INPP4B: variants seen among roughly 807,000 people sequenced by gnomAD.
INPP4B encodes inositol polyphosphate-4-phosphatase type II B, also known as inositol polyphosphate 4-phosphatase type II.
A neutral mutation model predicts 122.5 loss-of-function variants in INPP4B; 55 were observed. The ratio of observed to expected loss-of-function variants is 0.45; its 90% CI spans 0.36 to 0.56. The LOEUF (loss-of-function observed/expected upper bound fraction) is 0.56, where lower values mean the gene tolerates loss of function less well. Among genes scored for constraint, INPP4B ranks in the 20% least tolerant of loss-of-function variants. The pLI, the probability that INPP4B is intolerant of heterozygous loss-of-function variation, is 0.00. For synonymous variants in INPP4B, 403 were observed against 388.7 expected (o/e 1.04, Z -0.43); for missense variants, 1,000 against 1,097.7 (o/e 0.91, Z 1.26).
intron 7 of INPP4B, among the ~76,000 whole-genome samples, chr4:142,380,936 A>G (rs534124253): frequency 1.4e-4 from 21 of 152,292 alleles, no homozygotes; most frequent in Middle Eastern, 3.4e-3. Context: ...CCAATTTATT[A>G]CATCCTTCTT....
At position 142,725,898 on chromosome 4, in the gene INPP4B, T is replaced by C. The variant is rs981884469; in HGVS notation, c.-250A>G. Reference sequence around the variant, plus strand: ...CTTGCCAGGTAACACCATTTCTTTGTATTCTACGGGAAAAGAGAAAGAAGA... The same window carrying C: ...CTTGCCAGGTAACACCATTTCTTTGCATTCTACGGGAAAAGAGAAAGAAGA... On this transcript the variant is annotated 5_prime_UTR_variant, in exon 2 of 26. In the 5' UTR this introduces an upstream ATG that the reference lacks. Coordinates refer to ENST00000262992, the MANE Select transcript of INPP4B (RefSeq NM_001101669.3). 13 of 398,022 alleles carry C rather than the reference T, an allele frequency of 3.3e-5. No homozygotes were observed. Among genetic ancestry groups the C allele is most frequent in the African/African-American group, 2.3e-4 (11 of 48,738 alleles). 24.7% of individuals were successfully genotyped at this position (398,022 alleles called of 1,614,324 possible).
chr4:142,838,319 T>C (rs1435900071), intron 1 of INPP4B, among the ~76,000 whole-genome samples: 1 of 151,918 alleles, frequency 6.6e-6, no homozygotes, highest in Non-Finnish European at 1.5e-5. Flanking sequence ...CATTTTTTTT[T>C]CAATGGAGAC....
At chr4:142,180,960 C>G (rs1157013052) in intron 15 of INPP4B, among the ~76,000 whole-genome samples, 1 of 152,108 alleles carries the variant, frequency 6.6e-6, no homozygotes, top group Non-Finnish European at 1.5e-5. Context: ...TTAATAACTA[C>G]TACTCAGTCA....
chr4:142,034,213 C>T (rs939079199), intron 25 of INPP4B, among the ~76,000 whole-genome samples: 1 of 152,138 alleles, frequency 6.6e-6, no homozygotes, highest in Non-Finnish European at 1.5e-5. Context: ...CAGTAGTTTA[C>T]AACCAAGTGA....
At chr4:142,574,443 C>T (rs758522415) in intron 2 of INPP4B, among the ~76,000 whole-genome samples, 1 of 152,058 alleles carries the variant, frequency 6.6e-6, no homozygotes, top group Non-Finnish European at 1.5e-5. Flanking sequence ...GTTATTTTCT[C>T]TCTCATGTGG....
Position 142,546,906 on chromosome 4 carries a change from T to C in INPP4B, c.-190-84180A>G, listed in dbSNP as rs1381100839. On this transcript the variant is annotated intron_variant, in intron 2 of 25. Coordinates refer to ENST00000262992, the MANE Select transcript of INPP4B (RefSeq NM_001101669.3). ...AAACTACAGATAAACATAAAGAATA[T>C]AGAAAGTATCTATAACTTTACCATC... Among the ~76,000 whole-genome samples the C allele has an allele frequency of 5.3e-5, 8 of 152,232 alleles. No individual in the cohort carries two copies. The South Asian group carries it at 6.2e-4, about 12-fold the overall frequency.
At chr4:142,827,869 C>A (rs1037338442) in intron 1 of INPP4B, among the ~76,000 whole-genome samples, 1 of 151,970 alleles carries the variant, frequency 6.6e-6, no homozygotes, top group East Asian at 1.9e-4. Flanking sequence ...TGAAAAATAC[C>A]AAAACAATTC....
intron 2 of INPP4B, among the ~76,000 whole-genome samples, chr4:142,582,379 T>A (rs1735294363): frequency 6.6e-6 from 1 of 152,160 alleles, no homozygotes; most frequent in South Asian, 2.1e-4. Context: ...TTATTTTTCC[T>A]CTACCTAGGT....
chr4:142,536,957 C>A (rs1828273773), intron 2 of INPP4B, among the ~76,000 whole-genome samples: 1 of 152,052 alleles, frequency 6.6e-6, no homozygotes, highest in Admixed American at 6.6e-5. Context: ...CTAGCATACC[C>A]AGCTAAGTTT....
intron 2 of INPP4B, among the ~76,000 whole-genome samples, chr4:142,470,726 A>G (rs1453596511): frequency 1.3e-5 from 2 of 152,226 alleles, no homozygotes; most frequent in South Asian, 2.1e-4. Context: ...TTTCTTCATC[A>G]TTAAATAAGT....
rs191856055 is a variant in INPP4B, at chr4:142,295,983, T to C, written c.503+9475A>G. 1.2e-3 allele frequency among the ~76,000 whole-genome samples: 178 copies of C among 152,322 alleles called. 2 individuals are homozygous for C. Among genetic ancestry groups the C allele is most frequent in the African/African-American group, 4.3e-3 (177 of 41,588 alleles). ...CAAATATAATTCCTTTCAGGCCTAATCATTCCTGCAAATTATCTTCAAAGC... is the reference window on the plus strand; with the variant it reads ...CAAATATAATTCCTTTCAGGCCTAACCATTCCTGCAAATTATCTTCAAAGC... On this transcript the variant is annotated intron_variant, in intron 9 of 25. Coordinates refer to ENST00000262992, the MANE Select transcript of INPP4B (RefSeq NM_001101669.3).
chr4:142,376,999 TGTTAC>T (rs1307298729), intron 7 of INPP4B, among the ~76,000 whole-genome samples: 1 of 152,052 alleles, frequency 6.6e-6, no homozygotes, highest in African/African-American at 2.4e-5. Flanking sequence ...ATAGCCATAA[TGTTAC>T]ATTACCATTT....
chr4:142,581,946 AAATT>A (rs1333557792), intron 2 of INPP4B, among the ~76,000 whole-genome samples: 2 of 152,030 alleles, frequency 1.3e-5, no homozygotes, highest in African/African-American at 4.8e-5. Flanking sequence ...ACATGGAAGA[AAATT>A]AATCACAGCG....
chr4:142,259,194 G>C (rs1738235825), intron 11 of INPP4B, among the ~76,000 whole-genome samples: 1 of 126,102 alleles, frequency 7.9e-6, no homozygotes, highest in African/African-American at 2.9e-5. Flanking sequence ...TCACACTCTG[G>C]GGACTGTTGT....
At chr4:142,342,284 G>T (rs972910059) in intron 7 of INPP4B, among the ~76,000 whole-genome samples, 1 of 151,962 alleles carries the variant, frequency 6.6e-6, no homozygotes, top group East Asian at 1.9e-4. Context: ...ACAAATAATT[G>T]CCTCAGAAAA....
At chr4:142,628,059 G>C (rs1746924965) in intron 2 of INPP4B, among the ~76,000 whole-genome samples, 1 of 151,746 alleles carries the variant, frequency 6.6e-6, no homozygotes, top group Admixed American at 6.6e-5. Flanking sequence ...TCCCATTACT[G>C]GGTATATACC....
At chr4:142,101,958 C>A (rs557853925) in intron 23 of INPP4B, among the ~76,000 whole-genome samples, 1 of 152,114 alleles carries the variant, frequency 6.6e-6, no homozygotes, top group African/African-American at 2.4e-5. Context: ...CATTATTTGA[C>A]CTAATAAAAT....
At chr4:142,103,980 G>C (rs943776771) in intron 23 of INPP4B, among the ~76,000 whole-genome samples, 1 of 151,806 alleles carries the variant, frequency 6.6e-6, no homozygotes, top group Non-Finnish European at 1.5e-5. Context: ...GTATAGAACA[G>C]GTTAAAAAAA....
chr4:142,546,498 G>A (rs1829663967), intron 2 of INPP4B, among the ~76,000 whole-genome samples: 1 of 152,050 alleles, frequency 6.6e-6, no homozygotes, highest in African/African-American at 2.4e-5. Flanking sequence ...GAGAAACCTG[G>A]AGCCTTAGAT....
Sources: allele counts gnomAD v4.1 joint callset (sites outside exome capture counted in the v4.1 genomes callset), GRCh38; gene constraint gnomAD v4.1.1; transcripts MANE v1.5; gene names NCBI Gene and HGNC (gene_info 2026-07-23, HGNC 2026-07-21).